Variants in GLB1 observed in about 807,000 individuals in gnomAD.
The protein encoded by GLB1 is beta-galactosidase.
Under a neutral mutation model 74.0 loss-of-function variants are expected in GLB1, and 56 were observed. The ratio of observed to expected loss-of-function variants is 0.76; its 90% CI spans 0.61 to 0.94. The LOEUF is 0.94. GLB1 is among the 40% of genes least tolerant of loss of function. The probability of loss-of-function intolerance (pLI) is 0.00; values close to 1 mark genes in which losing one functional copy is unlikely to be tolerated. For synonymous variants in GLB1, 323 were observed against 323.6 expected (o/e 1.00, Z 0.02); for missense variants, 787 against 845.5 (o/e 0.93, Z 0.86).
intron 15 of GLB1, among the ~76,000 whole-genome samples, chr3:33,000,726 A>T (rs148612707): frequency 3.3e-4 from 50 of 152,174 alleles, no homozygotes; most frequent in Middle Eastern, 3.4e-3. Flanking sequence ...GACTCAGTTA[A>T]AAAAAACAAC....
intron 1 of GLB1, among the ~76,000 whole-genome samples, chr3:33,075,882 A>G (rs1349352588): frequency 6.6e-6 from 1 of 151,642 alleles, no homozygotes; most frequent in African/African-American, 2.4e-5. Context: ...TCTACTAAAA[A>G]TACAAAAAAA....
At chr3:33,094,093 G>C (rs1354960151) in intron 1 of GLB1, 5 of 1,614,256 alleles carry the variant, frequency 3.1e-6, no homozygotes, top group Non-Finnish European at 4.2e-6. Flanking sequence ...CTGAGCTCAA[G>C]GCTCTCTGCC....
rs1165249729 is a variant in GLB1, at chr3:32,997,068, C to CT, written c.2010dup (p.Asp671ArgfsTer51). The CT allele has an allele frequency of 1.2e-6, 2 of 1,614,012 alleles. No homozygotes were observed. The highest frequency in any genetic ancestry group is 1.7e-5 in the Admixed American group (1 of 60,002). On this transcript the variant is annotated frameshift_variant, in exon 16 of 16. Transcript: ENST00000307363. LOFTEE classifies it low-confidence loss of function (END_TRUNC). ...CATCATACATGGTCCAGCCATGAAT[C>CT]TTTGTTTTTTTGCGGGGGTGGGGGC...
At chr3:32,970,935 T>C in the GLB1 span, among the ~76,000 whole-genome samples, 1 of 152,178 alleles carries the variant, frequency 6.6e-6, no homozygotes, top group African/African-American at 2.4e-5. Context: ...CTCCCTCCTA[T>C]AAAGGGCCTA....
At chr3:33,033,938 A>C in intron 10 of GLB1, 1 of 552,112 alleles carries the variant, frequency 1.8e-6, no homozygotes, top group South Asian at 1.4e-5. Context: ...CTACTATGGC[A>C]CCCGCCTGGC....
chr3:33,011,638 CAAA>C (rs11342344), intron 15 of GLB1, among the ~76,000 whole-genome samples: 2 of 84,096 alleles, frequency 2.4e-5, no homozygotes, highest in Non-Finnish European at 4.3e-5. Flanking sequence ...GAGTCCATCT[CAAA>C]AAAAAAAAAA....
At chr3:33,036,241 A>G (rs1376826732) in intron 10 of GLB1, among the ~76,000 whole-genome samples, 1 of 152,176 alleles carries the variant, frequency 6.6e-6, no homozygotes. Context: ...TGATGGTGTA[A>G]GATTATCCCA....
intron 1 of GLB1, chr3:33,090,588 G>A (rs1344326588): frequency 9.1e-6 from 9 of 985,182 alleles, no homozygotes; most frequent in African/African-American, 5.2e-5. Flanking sequence ...TTCAAGTAAC[G>A]TTTCTCACCA....
intron 1 of GLB1, among the ~76,000 whole-genome samples, chr3:33,084,222 T>C (rs1298389004): frequency 6.6e-6 from 1 of 152,114 alleles, no homozygotes; most frequent in Admixed American, 6.5e-5. Context: ...TGAGGGAACA[T>C]GGATAGAGGC....
Position 33,018,510 on chromosome 3 carries a change from G to A in GLB1, c.1285C>T (p.Pro429Ser), listed in dbSNP as rs180869784. ...TTGAGGGGTGAAGAGAGAGGTGCTG[G>A]GTTGCTGCAATCTTGAGGAAGTGTT... ...RTTLPQDCSN[P>S]APLSSPLNGV... The change falls in exon 13 of 16, where the codon CCA (proline) becomes TCA (serine). Residue 429 changes from proline to serine, a missense_variant. Transcript: ENST00000307363. The A allele has an allele frequency of 1.9e-4, 309 of 1,613,978 alleles. 1 individual carries two copies. In the African/African-American group the frequency reaches 3.8e-3, roughly 20 times the overall value.
the GLB1 span, among the ~76,000 whole-genome samples, chr3:32,988,065 T>C: frequency 6.6e-6 from 1 of 151,154 alleles, no homozygotes; most frequent in Non-Finnish European, 1.5e-5. Context: ...TGCATGCCTG[T>C]GTCCCAGCTA....
chr3:33,025,807 C>T (rs535654989), intron 10 of GLB1, among the ~76,000 whole-genome samples: 2 of 152,282 alleles, frequency 1.3e-5, no homozygotes, highest in South Asian at 2.1e-4. Flanking sequence ...CCCATGTCCC[C>T]GAGGCAGCTG....
rs912340868 is a variant in GLB1 at position 33,002,384 on chromosome 3, A to T, written c.1735-5040T>A. Among the ~76,000 whole-genome samples, 5 of 100,302 alleles carry T rather than the reference A, an allele frequency of 5.0e-5. No individual in the cohort carries two copies. In the East Asian group the frequency reaches 1.5e-3, roughly 29 times the overall value. 65.8% of individuals were successfully genotyped at this position (100,302 alleles called of 152,430 possible). A position where few individuals can be genotyped will look rare whatever the true frequency, so the allele number is the denominator to read the frequency against. Reference sequence around the variant, plus strand: ...TCCTTCCATCCTTCCTTCCTTCCTTATGAGGCAGGGTCTCACGCTGTCATT... The same window carrying T: ...TCCTTCCATCCTTCCTTCCTTCCTTTTGAGGCAGGGTCTCACGCTGTCATT... On this transcript the variant is annotated intron_variant, in intron 15 of 15. Coordinates refer to ENST00000307363, the MANE Select transcript of GLB1 (RefSeq NM_000404.4).
At chr3:33,008,444 G>C (rs1696874224) in intron 15 of GLB1, among the ~76,000 whole-genome samples, 1 of 152,162 alleles carries the variant, frequency 6.6e-6, no homozygotes, top group Non-Finnish European at 1.5e-5. Flanking sequence ...AATGAGGTTG[G>C]AGGCAGAGAG....
chr3:33,063,557 G>A (rs995746965), intron 5 of GLB1, among the ~76,000 whole-genome samples: 4 of 152,232 alleles, frequency 2.6e-5, no homozygotes, highest in Admixed American at 1.3e-4. Flanking sequence ...CTCCTTTGCA[G>A]AATTAATACT....
chr3:33,096,517 A>G (rs1195435100), intron 1 of GLB1: 1 of 985,236 alleles, frequency 1.0e-6, no homozygotes, highest in Non-Finnish European at 1.2e-6. Context: ...ATGCACGAAG[A>G]GGGAGAGCAC....
At chr3:33,017,578 C>A (rs570505167) in intron 13 of GLB1, among the ~76,000 whole-genome samples, 11 of 152,314 alleles carry the variant, frequency 7.2e-5, no homozygotes, top group South Asian at 6.2e-4. Flanking sequence ...TGAAGAAAAT[C>A]TTTTCCTGTG....
downstream of GLB1, among the ~76,000 whole-genome samples, chr3:32,993,541 T>TTTC (rs1277947783): frequency 2.2e-5 from 3 of 138,558 alleles, no homozygotes; most frequent in Non-Finnish European, 3.1e-5. Context: ...TTTTTTTTTT[T>TTTC]TTTTTTTTTT....
chr3:33,049,899 G>A (rs971737904), intron 9 of GLB1, among the ~76,000 whole-genome samples: 3 of 152,114 alleles, frequency 2.0e-5, no homozygotes, highest in Non-Finnish European at 2.9e-5. Context: ...TGTAAGCGAT[G>A]TCTTCTCCTA....
Sources: allele counts gnomAD v4.1 joint callset (sites outside exome capture counted in the v4.1 genomes callset), GRCh38; gene constraint gnomAD v4.1.1; transcripts MANE v1.5; gene names NCBI Gene and HGNC (gene_info 2026-07-23, HGNC 2026-07-21).